Variants in RORB observed in about 807,000 individuals in gnomAD.
RORB encodes RAR related orphan receptor B.
RORB carries 6 observed loss-of-function variants against 59.1 expected under a neutral mutation model. That is an observed-to-expected ratio of 0.10 (90% CI 0.06 to 0.20). RORB has a LOEUF of 0.20. Among genes scored for constraint, RORB ranks in the 10% least tolerant of loss-of-function variants. The pLI is 1.00. For synonymous variants in RORB, 215 were observed against 204.5 expected, an observed-to-expected ratio of 1.05 and a Z score of -0.44; for missense variants, 320 against 560.5, an observed-to-expected ratio of 0.57 and a Z score of 4.33.
At chr9:74,604,689 A>C (rs1823123436) in intron 1 of RORB, among the ~76,000 whole-genome samples, 1 of 152,204 alleles carries the variant, frequency 6.6e-6, no homozygotes, top group Non-Finnish European at 1.5e-5. Flanking sequence ...GGCAATTTTT[A>C]TCTCAGCCCA....
At chr9:74,617,714 A>G (rs573979320) in intron 1 of RORB, among the ~76,000 whole-genome samples, 1 of 152,164 alleles carries the variant, frequency 6.6e-6, no homozygotes, top group East Asian at 1.9e-4. Flanking sequence ...GCTTAGGGTG[A>G]AATTATAAGA....
intron 4 of RORB, among the ~76,000 whole-genome samples, chr9:74,657,263 C>CA (rs1320414253): frequency 6.6e-6 from 1 of 151,990 alleles, no homozygotes; most frequent in African/African-American, 2.4e-5. Flanking sequence ...GATGGGGTTT[C>CA]ACCATGTTGG....
intron 7 of RORB, among the ~76,000 whole-genome samples, chr9:74,666,420 C>T (rs1824266054): frequency 6.6e-6 from 1 of 151,560 alleles, no homozygotes; most frequent in Admixed American, 6.6e-5. Flanking sequence ...ATCTTCACAC[C>T]ACTGCACTAC....
At chr9:74,517,132 A>G (rs563828198) in intron 1 of RORB, among the ~76,000 whole-genome samples, 1 of 151,896 alleles carries the variant, frequency 6.6e-6, no homozygotes, top group Admixed American at 6.6e-5. Flanking sequence ...TATTAGAAAA[A>G]CTCAAAATTT....
At position 74,689,809 on chromosome 9, in the gene RORB, C is replaced by T. The variant is rs1164155253; in HGVS notation, c.*4191C>T. The T allele has an allele frequency of 6.6e-6, 1 of 152,172 alleles. No homozygotes were observed. Among genetic ancestry groups the T allele is most frequent in the African/African-American group, 2.4e-5 (1 of 41,418 alleles). 9.4% of individuals were successfully genotyped at this position (152,172 alleles called of 1,614,324 possible). Reference sequence around the variant, plus strand: ...ACAATTCTTGGGTCCCAAGGACAACCTAAAACTTACCAGCTTTTTTCAAAA... The same window carrying T: ...ACAATTCTTGGGTCCCAAGGACAACTTAAAACTTACCAGCTTTTTTCAAAA... On this transcript the variant is annotated 3_prime_UTR_variant, in exon 10 of 10. Transcript: ENST00000376896.
At chr9:74,585,643 C>T (rs1040605453) in intron 1 of RORB, among the ~76,000 whole-genome samples, 1 of 152,124 alleles carries the variant, frequency 6.6e-6, no homozygotes, top group Non-Finnish European at 1.5e-5. Flanking sequence ...TGGTACTATA[C>T]CGTCAACTAG....
At chr9:74,513,377 G>A (rs560272633) in intron 1 of RORB, among the ~76,000 whole-genome samples, 2 of 151,990 alleles carry the variant, frequency 1.3e-5, no homozygotes, top group African/African-American at 2.4e-5. Context: ...GTATTAGGTT[G>A]ATGGAAAAGT....
chr9:74,579,831 G>A (rs907361973), intron 1 of RORB, among the ~76,000 whole-genome samples: 2 of 152,154 alleles, frequency 1.3e-5, no homozygotes, highest in African/African-American at 4.8e-5. Flanking sequence ...AACATTGCGA[G>A]AGCAAGAGCG....
intron 1 of RORB, among the ~76,000 whole-genome samples, chr9:74,527,752 G>A (rs548076115): frequency 6.6e-6 from 1 of 152,116 alleles, no homozygotes; most frequent in East Asian, 1.9e-4. Context: ...TGTCTTGGGA[G>A]TTTAGGAGTT....
intron 1 of RORB, among the ~76,000 whole-genome samples, chr9:74,564,672 T>C (rs1822444244): frequency 6.6e-6 from 1 of 152,174 alleles, no homozygotes; most frequent in Non-Finnish European, 1.5e-5. Flanking sequence ...GAAAGGTAGG[T>C]AGAGTTAATG....
chr9:74,665,633 CA>C (rs1474689182), intron 7 of RORB, 38 bp downstream of exon 7: 1 of 1,272,546 alleles, frequency 7.9e-7, no homozygotes, highest in African/African-American at 1.5e-5. Flanking sequence ...TTTTATTAGC[CA>C]CCATCAGTTT....
At chr9:74,505,820 A>G (rs991056701) in intron 1 of RORB, among the ~76,000 whole-genome samples, 21 of 152,118 alleles carry the variant, frequency 1.4e-4, no homozygotes, top group African/African-American at 5.1e-4. Flanking sequence ...ATGTAGCACA[A>G]ATAATAGTAT....
intron 8 of RORB, among the ~76,000 whole-genome samples, chr9:74,670,174 T>C (rs1215113708): frequency 6.6e-6 from 1 of 151,994 alleles, no homozygotes. Flanking sequence ...ACATGCCAAA[T>C]AATTTTCCTT....
At chr9:74,598,456 C>A (rs376887556) in intron 1 of RORB, among the ~76,000 whole-genome samples, 3 of 152,138 alleles carry the variant, frequency 2.0e-5, no homozygotes, top group African/African-American at 7.2e-5. Flanking sequence ...GACCCACACA[C>A]GCTTTTCCAA....
chr9:74,615,756 C>CA (rs1696283524), intron 1 of RORB: 2 of 283,502 alleles, frequency 7.1e-6, no homozygotes, highest in Non-Finnish European at 1.5e-5. Context: ...GGTGTGGGGA[C>CA]AAAAAAATAT....
intron 1 of RORB, among the ~76,000 whole-genome samples, chr9:74,564,508 C>T (rs1177377042): frequency 6.6e-6 from 1 of 152,208 alleles, no homozygotes; most frequent in Non-Finnish European, 1.5e-5. Flanking sequence ...CCACCATTTT[C>T]TCCCATTTGG....
chr9:74,605,188 G>A (rs1823129819), intron 1 of RORB, among the ~76,000 whole-genome samples: 1 of 152,130 alleles, frequency 6.6e-6, no homozygotes, highest in South Asian at 2.1e-4. Flanking sequence ...ATGATGATAA[G>A]TAAAAATGGT....
intron 1 of RORB, among the ~76,000 whole-genome samples, chr9:74,567,461 A>T (rs770115288): frequency 1.3e-5 from 2 of 152,168 alleles, no homozygotes; most frequent in Non-Finnish European, 2.9e-5. Flanking sequence ...CTGAGCTCAC[A>T]TAACCAAGAT....
chr9:74,626,137 C>A (rs945949182), intron 1 of RORB, among the ~76,000 whole-genome samples: 12 of 151,958 alleles, frequency 7.9e-5, no homozygotes, highest in African/African-American at 2.9e-4. Flanking sequence ...GAACTCTAAA[C>A]AAAGAAGGGG....
Sources: allele counts gnomAD v4.1 joint callset (sites outside exome capture counted in the v4.1 genomes callset), GRCh38; gene constraint gnomAD v4.1.1; transcripts MANE v1.5; gene names NCBI Gene and HGNC (gene_info 2026-07-23, HGNC 2026-07-21).